Variants in PDE10A observed in about 807,000 individuals in gnomAD.
PDE10A encodes the protein phosphodiesterase 10A.
PDE10A carries 39 observed loss-of-function variants against 97.7 expected under a neutral mutation model. The observed-to-expected ratio is 0.40, with a 90% CI of 0.31 to 0.52. The LOEUF is 0.52. PDE10A is among the 20% of genes least tolerant of loss of function. The pLI is 0.56. For missense variants in PDE10A, 731 were observed against 1,047.8 expected (o/e 0.70, Z 4.17); for synonymous variants, 371 against 376.8 (o/e 0.98, Z 0.18).
intron 2 of PDE10A, among the ~76,000 whole-genome samples, chr6:165,507,008 T>C (rs181525410): frequency 5.9e-5 from 9 of 152,282 alleles, no homozygotes; most frequent in Non-Finnish European, 1.2e-4. Context: ...TTAGAATTTA[T>C]GTTTTTGAAA....
chr6:165,573,685 CATT>C (rs1785162912), intron 1 of PDE10A, among the ~76,000 whole-genome samples: 1 of 152,108 alleles, frequency 6.6e-6, no homozygotes, highest in African/African-American at 2.4e-5. Flanking sequence ...TGCTAGCAAA[CATT>C]ATTTCTGCCA....
At chr6:165,535,230 A>AAAATATAT (rs1016645233) in intron 2 of PDE10A, among the ~76,000 whole-genome samples, 54 of 148,110 alleles carry the variant, frequency 3.6e-4, no homozygotes, top group African/African-American at 1.1e-3. Context: ...TGCCTTTTAA[A>AAAATATAT]ATATATATAT....
chr6:165,568,841 T>G (rs1784917528), intron 1 of PDE10A, among the ~76,000 whole-genome samples: 1 of 152,184 alleles, frequency 6.6e-6, no homozygotes, highest in Admixed American at 6.5e-5. Flanking sequence ...AAAGAGAAAT[T>G]TATGCTAGTT....
chr6:165,461,345 T>C (rs1350005377), intron 3 of PDE10A, among the ~76,000 whole-genome samples: 1 of 152,186 alleles, frequency 6.6e-6, no homozygotes, highest in African/African-American at 2.4e-5. Context: ...ATTCCTGCAG[T>C]AAACAACCTG....
intron 3 of PDE10A, among the ~76,000 whole-genome samples, chr6:165,467,705 T>C (rs1402673881): frequency 6.6e-6 from 1 of 152,208 alleles, no homozygotes; most frequent in East Asian, 1.9e-4. Context: ...TTTCTATGCC[T>C]AGTGAAGATG....
intron 1 of PDE10A, among the ~76,000 whole-genome samples, chr6:165,687,837 TCGC>T (rs1791163403): frequency 6.6e-6 from 1 of 152,216 alleles, no homozygotes; most frequent in Admixed American, 6.5e-5. Flanking sequence ...TCCCAAACTT[TCGC>T]ACATTTAATC....
At chr6:165,371,996 C>A (rs7768837) in intron 18 of PDE10A, among the ~76,000 whole-genome samples, 98,572 of 147,682 alleles carry the variant, frequency 0.67, 34,946 homozygotes, top group African/African-American at 0.91. Context: ...ATCTCAATAG[C>A]TGCAGAAAAG....
At chr6:165,903,307 A>G (rs527858027) in intron 1 of PDE10A, among the ~76,000 whole-genome samples, 2 of 152,362 alleles carry the variant, frequency 1.3e-5, no homozygotes, top group South Asian at 2.1e-4. Context: ...GCAGTGGAAC[A>G]TGGAGGAAGG....
chr6:165,950,094 C>T (rs1783906432), intron 1 of PDE10A, among the ~76,000 whole-genome samples: 1 of 152,178 alleles, frequency 6.6e-6, no homozygotes, highest in Admixed American at 6.5e-5. Context: ...ACTGCTTTAT[C>T]ATTGTTAGGT....
chr6:165,392,964 C>G (rs1473090669), intron 15 of PDE10A, among the ~76,000 whole-genome samples, 168 bp from the exon 16 acceptor site: 1 of 152,178 alleles, frequency 6.6e-6, no homozygotes, highest in Non-Finnish European at 1.5e-5. Context: ...CACCAGTTCC[C>G]TTCCAGTTCT....
At chr6:165,394,128 T>TA (rs1293644898) in intron 15 of PDE10A, among the ~76,000 whole-genome samples, 2 of 152,092 alleles carry the variant, frequency 1.3e-5, no homozygotes, top group African/African-American at 4.8e-5. Context: ...GCAGGTTTGT[T>TA]ACATAGGTAT....
intron 15 of PDE10A, 130 bp from the exon 16 acceptor site, chr6:165,392,926 C>A (rs1251942095): frequency 5.3e-6 from 4 of 759,138 alleles, no homozygotes; most frequent in East Asian, 5.4e-5. Context: ...TCCACCCTGA[C>A]TGAATCCATG....
intron 1 of PDE10A, among the ~76,000 whole-genome samples, chr6:165,811,928 A>G (rs1779294451): frequency 6.6e-6 from 1 of 152,034 alleles, no homozygotes; most frequent in African/African-American, 2.4e-5. Flanking sequence ...ATCTCAGCTC[A>G]CTGCAACCTC....
At chr6:165,787,974 C>A (rs1778539240) in intron 1 of PDE10A, among the ~76,000 whole-genome samples, 1 of 152,174 alleles carries the variant, frequency 6.6e-6, no homozygotes, top group South Asian at 2.1e-4. Context: ...AAATAAGAGA[C>A]CACCTTCATG....
intron 9 of PDE10A, among the ~76,000 whole-genome samples, chr6:165,429,566 T>C (rs192836492): frequency 3.5e-4 from 54 of 152,222 alleles, no homozygotes; most frequent in African/African-American, 1.2e-3. Context: ...ATGTGAAACA[T>C]AACATGTCAT....
At chr6:165,368,085 T>G (rs1241303415) in intron 18 of PDE10A, among the ~76,000 whole-genome samples, 1 of 152,212 alleles carries the variant, frequency 6.6e-6, no homozygotes, top group Admixed American at 6.5e-5. Flanking sequence ...TACCTCTACC[T>G]CCCGGGTTCA....
At chr6:165,350,873 T>C (rs925532186) in intron 18 of PDE10A, among the ~76,000 whole-genome samples, 9 of 152,160 alleles carry the variant, frequency 5.9e-5, no homozygotes, top group Admixed American at 4.6e-4. Context: ...TCCCCTTCCA[T>C]CATGATTGTA....
intron 1 of PDE10A, among the ~76,000 whole-genome samples, chr6:165,690,751 C>T (rs1791249057): frequency 6.6e-6 from 1 of 152,254 alleles, no homozygotes; most frequent in East Asian, 1.9e-4. Context: ...TCCACCCACA[C>T]CCCATTTCTA....
At chr6:165,652,506 C>T (rs369473260) in intron 1 of PDE10A, among the ~76,000 whole-genome samples, 1 of 152,284 alleles carries the variant, frequency 6.6e-6, no homozygotes, top group East Asian at 1.9e-4. Flanking sequence ...TTTTGGATAA[C>T]ACTTTAGATG....
Sources: gnomAD v4.1 joint callset for allele counts (sites outside exome capture counted in the v4.1 genomes callset) on GRCh38, gnomAD v4.1.1 for gene constraint, MANE v1.5 for transcripts, NCBI Gene and HGNC (gene_info 2026-07-23, HGNC 2026-07-21) for gene names.